Variants in COPG2 observed in about 807,000 individuals in gnomAD.
The protein encoded by COPG2 is coatomer subunit gamma-2.
Under a neutral mutation model 46.3 loss-of-function variants are expected in COPG2, and 37 were observed. The observed-to-expected ratio is 0.80, with a 90% CI of 0.61 to 1.05. COPG2 has a LOEUF of 1.05. Ranked by LOEUF, COPG2 falls within the 50% of genes least tolerant of loss-of-function variation. The probability of loss-of-function intolerance (pLI) is 0.00; values close to 1 mark genes in which losing one functional copy is unlikely to be tolerated. For missense variants in COPG2, 427 were observed against 387.8 expected (o/e 1.10, Z -0.85); for synonymous variants, 159 against 129.7 (o/e 1.23, Z -1.53).
At chr7:130,576,362 A>C (rs782347657) in intron 9 of COPG2, among the ~76,000 whole-genome samples, 1 of 152,256 alleles carries the variant, frequency 6.6e-6, no homozygotes, top group Non-Finnish European at 1.5e-5. Context: ...AAATTATATC[A>C]AGAACTCTCT....
chr7:130,510,297 C>T (rs1799575283), intron 20 of COPG2: 1 of 500,388 alleles, frequency 2.0e-6, no homozygotes, highest in Non-Finnish European at 4.0e-6. Context: ...ATTTCAATGC[C>T]ATTAGGGGTT....
chr7:130,550,326 G>T (rs1052548655), intron 17 of COPG2, among the ~76,000 whole-genome samples, 198 bp downstream of exon 17: 2 of 145,252 alleles, frequency 1.4e-5, no homozygotes, highest in Non-Finnish European at 3.0e-5. Context: ...AAGGAGACTC[G>T]CTTGAACCCG....
intron 3 of COPG2, among the ~76,000 whole-genome samples, chr7:130,664,786 G>T (rs1180552800): frequency 6.6e-6 from 1 of 152,202 alleles, no homozygotes; most frequent in Non-Finnish European, 1.5e-5. Context: ...CACAATGTGT[G>T]CTATGAAAAG....
intron 9 of COPG2, chr7:130,605,172 T>C (rs1554451048): frequency 1.9e-6 from 1 of 519,018 alleles, no homozygotes; most frequent in Admixed American, 2.0e-5. Flanking sequence ...TTCTTCAAAC[T>C]AGCTACTTTC....
intron 5 of COPG2, among the ~76,000 whole-genome samples, chr7:130,625,584 T>C (rs1198021916): frequency 3.9e-5 from 6 of 152,100 alleles, no homozygotes; most frequent in Admixed American, 1.3e-4. Flanking sequence ...GTTTCAAATT[T>C]ATTTCAAAGA....
chr7:130,641,717 A>C (rs554530106), intron 5 of COPG2, among the ~76,000 whole-genome samples: 6 of 152,298 alleles, frequency 3.9e-5, no homozygotes, highest in Admixed American at 2.6e-4. Context: ...AAATCTTCAG[A>C]AGTAATTATT....
At chr7:130,606,035 A>G (rs782783996) in intron 9 of COPG2, among the ~76,000 whole-genome samples, 1 of 152,090 alleles carries the variant, frequency 6.6e-6, no homozygotes, top group Non-Finnish European at 1.5e-5. Flanking sequence ...CTAGTTTTGA[A>G]GAGACTTATA....
At chr7:130,639,050 G>T (rs1016460822) in intron 5 of COPG2, among the ~76,000 whole-genome samples, 6 of 152,072 alleles carry the variant, frequency 3.9e-5, no homozygotes, top group Admixed American at 6.5e-5. Flanking sequence ...TGACCTCCAG[G>T]GGCTGCACCC....
At chr7:130,527,083 G>A (rs1400888992) in intron 20 of COPG2, among the ~76,000 whole-genome samples, 3 of 151,788 alleles carry the variant, frequency 2.0e-5, no homozygotes, top group Admixed American at 1.3e-4. Context: ...CAGTAGAGTA[G>A]CTTCAGGTAG....
At chr7:130,577,793 A>C (rs560818358) in intron 9 of COPG2, among the ~76,000 whole-genome samples, 1,953 of 151,256 alleles carry the variant, frequency 0.013, 41 homozygotes, top group East Asian at 0.031. Flanking sequence ...AAAAAACAAA[A>C]AAAAAAAACA....
intron 20 of COPG2, among the ~76,000 whole-genome samples, chr7:130,534,134 A>G (rs1799856962): frequency 6.6e-6 from 1 of 152,186 alleles, no homozygotes; most frequent in Non-Finnish European, 1.5e-5. Flanking sequence ...TCATAAGAGC[A>G]GAGCAGATCG....
At chr7:130,548,744 C>T (rs1337965060) in intron 18 of COPG2, among the ~76,000 whole-genome samples, 2 of 152,012 alleles carry the variant, frequency 1.3e-5, no homozygotes, top group East Asian at 1.9e-4. Context: ...GGTGAAACCC[C>T]GTCTCTACTA....
intron 9 of COPG2, among the ~76,000 whole-genome samples, chr7:130,566,939 C>A (rs1793813807): frequency 6.6e-6 from 1 of 152,214 alleles, no homozygotes; most frequent in African/African-American, 2.4e-5. Flanking sequence ...AAGACACAGG[C>A]CCTCCTATGT....
chr7:130,567,475 C>A (rs978179202), intron 9 of COPG2, among the ~76,000 whole-genome samples: 6 of 152,160 alleles, frequency 3.9e-5, no homozygotes, highest in Non-Finnish European at 8.8e-5. Flanking sequence ...CCAGAAAATT[C>A]ATCACAAAAA....
chr7:130,627,262 A>G (rs548147161), intron 5 of COPG2, among the ~76,000 whole-genome samples: 2 of 152,338 alleles, frequency 1.3e-5, no homozygotes, highest in East Asian at 3.9e-4. Flanking sequence ...ACCAAGGAAA[A>G]GCAAAAAGAG....
intron 9 of COPG2, among the ~76,000 whole-genome samples, chr7:130,573,303 T>C (rs1793941317): frequency 6.6e-6 from 1 of 151,696 alleles, no homozygotes; most frequent in South Asian, 2.1e-4. Flanking sequence ...TCACAACTCT[T>C]TCAGAAAATA....
chr7:130,645,073 A>C (rs1183804972), intron 5 of COPG2, among the ~76,000 whole-genome samples: 2 of 151,568 alleles, frequency 1.3e-5, no homozygotes, highest in Non-Finnish European at 2.9e-5. Context: ...AAAAACAAAA[A>C]AAAAAAAAAA....
At position 130,653,034 on chromosome 7, in the gene COPG2, T is replaced by C. The variant is rs782807627; in HGVS notation, c.244-86A>G. 17 of 797,864 alleles carry C rather than the reference T, an allele frequency of 2.1e-5. 1 individual carries two copies. The highest frequency in any genetic ancestry group is 3.4e-5 in the Non-Finnish European group (17 of 497,034). 49.4% of individuals were successfully genotyped at this position (797,864 alleles called of 1,614,324 possible). On this transcript the variant is annotated intron_variant, in intron 4 of 23. Transcript: ENST00000425248. ...TTGAAGTGAGGACCCCAAGTAGATA[T>C]ATATTTTAGAAAGATATTCTTTAAA...
intron 5 of COPG2, among the ~76,000 whole-genome samples, chr7:130,638,549 C>A (rs1259201084): frequency 6.6e-6 from 1 of 152,068 alleles, no homozygotes; most frequent in African/African-American, 2.4e-5. Flanking sequence ...CCTACTCAAG[C>A]CTCAGTAATG....
Sources: gnomAD v4.1 joint callset for allele counts (sites outside exome capture counted in the v4.1 genomes callset) on GRCh38, gnomAD v4.1.1 for gene constraint, MANE v1.5 for transcripts, NCBI Gene and HGNC (gene_info 2026-07-23, HGNC 2026-07-21) for gene names.